Variants in SLC23A2 observed in about 807,000 individuals in gnomAD.
SLC23A2 encodes solute carrier family 23 member 2, also known as Na(+)/L-ascorbic acid transporter 2.
SLC23A2 carries 36 observed loss-of-function variants against 73.3 expected under a neutral mutation model. The observed-to-expected ratio is 0.49, with a 90% CI of 0.38 to 0.65. The LOEUF is 0.65. SLC23A2 is among the 30% of genes least tolerant of loss of function. SLC23A2 has a pLI of 0.00. For missense variants in SLC23A2, 507 were observed against 841.6 expected (o/e 0.60, Z 4.92); for synonymous variants, 343 against 327.3 (o/e 1.05, Z -0.52).
chr20:4,859,250 AT>A (rs200680320), intron 16 of SLC23A2, 38 bp downstream of exon 16: 17,646 of 1,156,802 alleles, frequency 0.015, 248 homozygotes, highest in African/African-American at 0.044. Context: ...ATGTTAAAAA[AT>A]AAAAAAAAAA....
chr20:4,905,007 C>T (rs1449649827), intron 4 of SLC23A2, among the ~76,000 whole-genome samples: 2 of 148,848 alleles, frequency 1.3e-5, no homozygotes, highest in African/African-American at 2.5e-5. Context: ...CCAGCTATTC[C>T]GGAGGCTGAG....
In SLC23A2 at chr20:4,853,606, G is replaced by A. The variant is rs1292147041; in HGVS notation, c.*3366C>T. ...CCTGGAAAACTGTGACTATTATCCT[G>A]GGTAGAAATGTTATTTTGCTATATG... On this transcript the variant is annotated 3_prime_UTR_variant, in exon 17 of 17. Transcript: ENST00000338244. The A allele has an allele frequency of 1.3e-5, 2 of 152,556 alleles. No individual in the cohort carries two copies. 9.5% of individuals were successfully genotyped at this position (152,556 alleles called of 1,614,324 possible). A position where few individuals can be genotyped will look rare whatever the true frequency, so the allele number is the denominator to read the frequency against.
At chr20:4,996,626 C>T (rs1377976260) in intron 1 of SLC23A2, among the ~76,000 whole-genome samples, 1 of 130,556 alleles carries the variant, frequency 7.7e-6, no homozygotes, top group African/African-American at 3.0e-5. Context: ...GCAGAAGTTG[C>T]AATGAGCCGA....
chr20:4,894,019 G>T (rs560757059), intron 6 of SLC23A2, among the ~76,000 whole-genome samples: 1 of 152,276 alleles, frequency 6.6e-6, no homozygotes, highest in East Asian at 1.9e-4. Context: ...AAGAATGACG[G>T]CTGCAGGCTG....
chr20:4,933,270 G>A (rs1418128311), intron 2 of SLC23A2, among the ~76,000 whole-genome samples: 2 of 152,030 alleles, frequency 1.3e-5, no homozygotes, highest in Non-Finnish European at 2.9e-5. Context: ...TTCCCTACAT[G>A]TGCCCAATTA....
intron 1 of SLC23A2, among the ~76,000 whole-genome samples, chr20:4,999,197 G>A (rs901344965): frequency 6.6e-6 from 1 of 152,170 alleles, no homozygotes; most frequent in African/African-American, 2.4e-5. Flanking sequence ...TAGATCCCTG[G>A]TTTGTCTTTA....
At chr20:4,987,568 G>T (rs1448216281) in intron 1 of SLC23A2, among the ~76,000 whole-genome samples, 1 of 152,204 alleles carries the variant, frequency 6.6e-6, no homozygotes, top group African/African-American at 2.4e-5. Flanking sequence ...ACACTATGTG[G>T]CCGGGCGCGG....
chr20:4,938,625 C>A (rs1447386837), intron 2 of SLC23A2, among the ~76,000 whole-genome samples: 2 of 152,148 alleles, frequency 1.3e-5, no homozygotes, highest in South Asian at 2.1e-4. Flanking sequence ...ATGCCGGGCC[C>A]CTCATTCCAT....
At chr20:4,941,295 A>C (rs1423672019) in intron 2 of SLC23A2, among the ~76,000 whole-genome samples, 1 of 152,134 alleles carries the variant, frequency 6.6e-6, no homozygotes, top group Non-Finnish European at 1.5e-5. Context: ...TGGGAGGCTA[A>C]GAGTGGGACG....
At chr20:4,953,065 T>C (rs1286453012) in intron 2 of SLC23A2, among the ~76,000 whole-genome samples, 2 of 151,630 alleles carry the variant, frequency 1.3e-5, no homozygotes, top group Non-Finnish European at 2.9e-5. Context: ...CCCAGCACTT[T>C]GGGAGGCCGA....
At chr20:4,945,349 C>T (rs1221501601) in intron 2 of SLC23A2, among the ~76,000 whole-genome samples, 1 of 152,210 alleles carries the variant, frequency 6.6e-6, no homozygotes, top group African/African-American at 2.4e-5. Flanking sequence ...CTGGCTCTGG[C>T]ACCCAGGTTG....
chr20:4,923,559 AG>A lies in SLC23A2; in HGVS notation c.108+8895del, dbSNP rs201701832. The stretch of plus-strand genomic sequence containing the variant: ...TAAACCAATTCCCTGGGCCGACTCC[AG>A]GAAACAGTCTCTCTTCATCCTCAGG... On this transcript the variant is annotated intron_variant, in intron 3 of 16. Coordinates refer to ENST00000338244, the MANE Select transcript of SLC23A2 (RefSeq NM_005116.6). 8.7e-3 allele frequency among the ~76,000 whole-genome samples: 1,323 copies of A among 152,354 alleles called. 16 individuals carry two copies. The highest frequency in any genetic ancestry group is 0.029 in the African/African-American group (1,225 of 41,574).
intron 1 of SLC23A2, among the ~76,000 whole-genome samples, chr20:4,997,714 T>C (rs1224470651): frequency 6.6e-6 from 1 of 152,204 alleles, no homozygotes; most frequent in African/African-American, 2.4e-5. Flanking sequence ...AGCCTCAACC[T>C]CTTGGGCTCA....
intron 4 of SLC23A2, among the ~76,000 whole-genome samples, chr20:4,906,756 G>C (rs749086917): frequency 3.3e-5 from 5 of 152,180 alleles, no homozygotes; most frequent in Non-Finnish European, 5.9e-5. Flanking sequence ...TTTCTTCTAA[G>C]TCCTAAAAAC....
At chr20:4,956,809 T>TC (rs2087296332) in intron 2 of SLC23A2, among the ~76,000 whole-genome samples, 1 of 148,250 alleles carries the variant, frequency 6.7e-6, no homozygotes, top group African/African-American at 2.5e-5. Flanking sequence ...TCTTTTTTTT[T>TC]TTTTTTTTTT....
intron 1 of SLC23A2, among the ~76,000 whole-genome samples, chr20:4,990,913 A>G (rs2087913734): frequency 6.9e-6 from 1 of 143,894 alleles, no homozygotes; most frequent in South Asian, 2.4e-4. Flanking sequence ...AGGAGGTTGC[A>G]GTGAGCTGAG....
chr20:4,860,734 T>C (rs1451146907), intron 15 of SLC23A2, among the ~76,000 whole-genome samples: 2 of 152,162 alleles, frequency 1.3e-5, no homozygotes, highest in Admixed American at 6.5e-5. Context: ...CAAAGGAACA[T>C]TATCTAGTCA....
At chr20:4,954,157 A>G (rs1233186603) in intron 2 of SLC23A2, among the ~76,000 whole-genome samples, 1 of 152,140 alleles carries the variant, frequency 6.6e-6, no homozygotes, top group Non-Finnish European at 1.5e-5. Flanking sequence ...AATGACCAAC[A>G]CTTCATAAAC....
At position 4,991,362 on chromosome 20, in the gene SLC23A2, G is replaced by A. The variant is rs116193900; in HGVS notation, c.-282+10044C>T. Among the ~76,000 whole-genome samples, 615 of 152,102 alleles carry A rather than the reference G, an allele frequency of 4.0e-3. 4 individuals carry two copies. Among genetic ancestry groups the A allele is most frequent in the African/African-American group, 0.014 (574 of 41,476 alleles). Reference sequence around the variant, plus strand: ...TGACCTCAAGCAATCTTCCCATGTCGGCTTCCCAAAGTACTGGGATTACAG... The same window carrying A: ...TGACCTCAAGCAATCTTCCCATGTCAGCTTCCCAAAGTACTGGGATTACAG... On this transcript the variant is annotated intron_variant, in intron 1 of 16. Transcript: ENST00000338244.
Sources: gnomAD v4.1 joint callset for allele counts (sites outside exome capture counted in the v4.1 genomes callset) on GRCh38, gnomAD v4.1.1 for gene constraint, MANE v1.5 for transcripts, NCBI Gene and HGNC (gene_info 2026-07-23, HGNC 2026-07-21) for gene names.